Variants in PEX14 observed in about 807,000 individuals in gnomAD.
PEX14 encodes the protein peroxisomal membrane protein PEX14.
A neutral mutation model predicts 49.5 loss-of-function variants in PEX14; 15 were observed. That is an observed-to-expected ratio of 0.30 (90% CI 0.20 to 0.47). The LOEUF (loss-of-function observed/expected upper bound fraction) is 0.47, where lower values mean the gene tolerates loss of function less well. Ranked by LOEUF, PEX14 falls within the 20% of genes least tolerant of loss-of-function variation. The pLI is 1.00. For missense variants in PEX14, 398 were observed against 494.8 expected, an observed-to-expected ratio of 0.80 and a Z score of 1.86; for synonymous variants, 210 against 212.7, an observed-to-expected ratio of 0.99 and a Z score of 0.11.
chr1:10,482,263 G>A (rs1448679780), intron 1 of PEX14, among the ~76,000 whole-genome samples: 6 of 151,796 alleles, frequency 4.0e-5, no homozygotes, highest in Non-Finnish European at 8.8e-5. Context: ...TGAGTAACTG[G>A]GATTATAGGC....
At position 10,630,560 on chromosome 1, in the gene PEX14, T is replaced by G; in HGVS notation, c.*573T>G. On this transcript the variant is annotated 3_prime_UTR_variant, in exon 9 of 9. Coordinates refer to ENST00000356607, the MANE Select transcript of PEX14 (RefSeq NM_004565.3). The surrounding 1 kb of genome is among the most constrained non-coding windows in gnomAD (Gnocchi z 4.1). ...GCGCTTCCGATGCCCCCGCTTGCCG[T>G]GTAATGGTTCAGCTAATCCCATGGC... 6.4e-6 allele frequency: 1 copy of G among 155,280 alleles called. No individual in the cohort carries two copies. Among genetic ancestry groups the G allele is most frequent in the Non-Finnish European group, 1.4e-5 (1 of 70,082 alleles). 9.6% of individuals were successfully genotyped at this position (155,280 alleles called of 1,614,324 possible).
intron 1 of PEX14, among the ~76,000 whole-genome samples, chr1:10,483,010 G>A (rs560422670): frequency 1.3e-5 from 2 of 152,292 alleles, no homozygotes; most frequent in Non-Finnish European, 2.9e-5. Flanking sequence ...TGTAAGTGAC[G>A]TTGTGTCTAT....
chr1:10,611,567 A>T (rs770593120), intron 4 of PEX14, among the ~76,000 whole-genome samples: 2 of 152,214 alleles, frequency 1.3e-5, no homozygotes, highest in Non-Finnish European at 2.9e-5. Flanking sequence ...CTGTCAAACT[A>T]TTTCCCAAAA....
intron 3 of PEX14, among the ~76,000 whole-genome samples, chr1:10,591,667 G>A (rs926952801): frequency 2.0e-5 from 3 of 151,650 alleles, no homozygotes; most frequent in African/African-American, 7.3e-5. Flanking sequence ...GTGTGTGTGT[G>A]TGTGTGTGTG....
At chr1:10,542,372 T>C (rs1279217913) in intron 3 of PEX14, among the ~76,000 whole-genome samples, 3 of 152,248 alleles carry the variant, frequency 2.0e-5, no homozygotes, top group African/African-American at 7.2e-5. Flanking sequence ...CTTGGTGTTA[T>C]ATCTCGGCAG....
intron 3 of PEX14, among the ~76,000 whole-genome samples, chr1:10,557,827 T>C (rs1209292999): frequency 8.2e-6 from 1 of 121,556 alleles, no homozygotes; most frequent in African/African-American, 2.9e-5. Context: ...TAGAACTATT[T>C]GCCTACCTTT....
intron 3 of PEX14, among the ~76,000 whole-genome samples, chr1:10,544,667 C>T (rs1031254717): frequency 6.6e-6 from 1 of 152,186 alleles, no homozygotes; most frequent in African/African-American, 2.4e-5. Context: ...CCTCCTACCC[C>T]TTGGTAATCC....
In PEX14 at chr1:10,475,016, G is replaced by T; in HGVS notation, c.36+14G>T. 6.2e-7 allele frequency: 1 copy of T among 1,606,744 alleles called. No individual in the cohort carries two copies. The highest frequency in any genetic ancestry group is 1.1e-5 in the South Asian group (1 of 89,672). The stretch of plus-strand genomic sequence containing the variant: ...CAGCCGAGCCAGGTAAGGGGAGTGG[G>T]ACTGCCCCGCTGTGCGGCGGAGACC... On this transcript the variant is annotated intron_variant, in intron 1 of 8. Coordinates refer to ENST00000356607, the MANE Select transcript of PEX14 (RefSeq NM_004565.3).
At position 10,539,382 on chromosome 1, in the gene PEX14, G is replaced by C. The variant is rs1265282009; in HGVS notation, c.169+3085G>C. Among the ~76,000 whole-genome samples, 2 of 152,134 alleles carry C rather than the reference G, an allele frequency of 1.3e-5. No individual in the cohort carries two copies. The highest frequency in any genetic ancestry group is 2.9e-5 in the Non-Finnish European group (2 of 68,022). ...TCATTTATCATTTTCTTTGAAGTTTGTACTGCCATTTTGTGTAATTTACAA... is the reference window on the plus strand; with the variant it reads ...TCATTTATCATTTTCTTTGAAGTTTCTACTGCCATTTTGTGTAATTTACAA... On this transcript the variant is annotated intron_variant, in intron 3 of 8. Coordinates refer to ENST00000356607, the MANE Select transcript of PEX14 (RefSeq NM_004565.3). The surrounding 1 kb of genome is among the most constrained non-coding windows in gnomAD (Gnocchi z 4.6).
At chr1:10,598,133 G>A (rs1176337288) in intron 3 of PEX14, among the ~76,000 whole-genome samples, 6 of 152,218 alleles carry the variant, frequency 3.9e-5, no homozygotes, top group Admixed American at 3.3e-4. Context: ...TAAAAGCTCT[G>A]TGTTGCGGCT....
chr1:10,630,578 C>T lies in PEX14; in HGVS notation c.*591C>T, dbSNP rs536725855. On this transcript the variant is annotated 3_prime_UTR_variant, in exon 9 of 9. Transcript: ENST00000356607. This position sits in a 1 kb window ranked among gnomAD's most constrained non-coding sequence, Gnocchi z 4.1. ...CTTGCCGTGTAATGGTTCAGCTAATCCCATGGCGAGATGGGGGCTCACTCC... is the reference window on the plus strand; with the variant it reads ...CTTGCCGTGTAATGGTTCAGCTAATTCCATGGCGAGATGGGGGCTCACTCC... 1 of 154,468 alleles carries T rather than the reference C, an allele frequency of 6.5e-6. No homozygotes were observed. The highest frequency in any genetic ancestry group is 6.4e-5 in the Admixed American group (1 of 15,716). The allele number at this position is 154,468 out of a possible 1,614,324, so 9.6% of individuals were successfully genotyped here.
chr1:10,630,123 C>A lies in PEX14; in HGVS notation c.*136C>A, dbSNP rs762878630. The A allele has an allele frequency of 2.2e-4, 297 of 1,364,386 alleles. No individual in the cohort carries two copies. The highest frequency in any genetic ancestry group is 2.8e-4 in the Non-Finnish European group (288 of 1,013,826). 84.5% of individuals were successfully genotyped at this position (1,364,386 alleles called of 1,614,324 possible). ...GGCAGAGCTGTCCTCAGCTGCACTG[C>A]GGCCTGGTGGCAGTGTGGGGAGTCA... On this transcript the variant is annotated 3_prime_UTR_variant, in exon 9 of 9. Transcript: ENST00000356607. This position sits in a 1 kb window ranked among gnomAD's most constrained non-coding sequence, Gnocchi z 4.1.
intron 4 of PEX14, among the ~76,000 whole-genome samples, chr1:10,607,202 A>C (rs1375924351): frequency 6.6e-6 from 1 of 151,906 alleles, no homozygotes; most frequent in Non-Finnish European, 1.5e-5. Context: ...GATTCACCCA[A>C]ATTGCTGTGC....
At chr1:10,627,646 C>T (rs1036931406) in intron 8 of PEX14, among the ~76,000 whole-genome samples, 2 of 152,272 alleles carry the variant, frequency 1.3e-5, no homozygotes, top group African/African-American at 2.4e-5. Flanking sequence ...AAGCAGGGCC[C>T]TTGGAGCAGA....
At chr1:10,516,066 C>T (rs750346756) in intron 2 of PEX14, among the ~76,000 whole-genome samples, 3 of 152,186 alleles carry the variant, frequency 2.0e-5, no homozygotes, top group Non-Finnish European at 4.4e-5. Context: ...CCCCTTTCTT[C>T]CAAAATTGTA....
chr1:10,624,957 C>T (rs886394745), intron 7 of PEX14, among the ~76,000 whole-genome samples: 15 of 152,150 alleles, frequency 9.9e-5, no homozygotes, highest in African/African-American at 3.6e-4. Flanking sequence ...AGAACCAACT[C>T]CCAAGGCAGT....
chr1:10,629,534 G>A lies in PEX14; in HGVS notation c.681G>A (p.Arg227=). The A allele has an allele frequency of 6.2e-7, 1 of 1,610,340 alleles. No homozygotes were observed. Among genetic ancestry groups the A allele is most frequent in the Non-Finnish European group, 8.5e-7 (1 of 1,177,078 alleles). The change falls in exon 9 of 9, where the codon AGG becomes AGA. Residue 227 remains arginine, a synonymous_variant. Transcript: ENST00000356607. This position sits in a 1 kb window ranked among gnomAD's most constrained non-coding sequence, Gnocchi z 8.5. Reference sequence around the variant, plus strand: ...CCTCCCCTTCTTCTCCCTCTAGGAGGCAGTTCCCTCCATCCCCATCAGCCC... The same window carrying A: ...CCTCCCCTTCTTCTCCCTCTAGGAGACAGTTCCCTCCATCCCCATCAGCCC... ...NSLKGLLLNR[R]QFPPSPSAPK... is the part of the protein sequence containing the mutation.
intron 4 of PEX14, among the ~76,000 whole-genome samples, chr1:10,607,954 T>C (rs1641170850): frequency 6.6e-6 from 1 of 152,214 alleles, no homozygotes; most frequent in African/African-American, 2.4e-5. Context: ...TATTCCAAGG[T>C]TGAAGAGACT....
intron 2 of PEX14, among the ~76,000 whole-genome samples, chr1:10,513,783 C>A (rs897123180): frequency 6.6e-6 from 1 of 152,086 alleles, no homozygotes; most frequent in Non-Finnish European, 1.5e-5. Context: ...AGGGACGTTT[C>A]TATTTTCACT....
Sources: gnomAD v4.1 joint callset for allele counts (sites outside exome capture counted in the v4.1 genomes callset) on GRCh38, gnomAD v4.1.1 for gene constraint, Gnocchi (gnomAD v3.1) non-coding constraint, MANE v1.5 for transcripts, NCBI Gene and HGNC (gene_info 2026-07-23, HGNC 2026-07-21) for gene names.